The following XPO6 variants were observed in gnomAD, a reference collection of about 807,000 sequenced individuals.
XPO6 encodes the protein exportin 6.
Under a neutral mutation model 130.0 loss-of-function variants are expected in XPO6, and 3 were observed. That is an observed-to-expected ratio of 0.02 (90% CI 0.01 to 0.06). The LOEUF (loss-of-function observed/expected upper bound fraction) is 0.06. XPO6 is among the 10% of genes least tolerant of loss of function. XPO6 has a pLI of 1.00. For missense variants in XPO6, 970 were observed against 1,393.0 expected (o/e 0.70, Z 4.83); for synonymous variants, 524 against 548.9 (o/e 0.95, Z 0.63).
At position 28,169,792 on chromosome 16, in the gene XPO6, G is replaced by A; in HGVS notation, c.523C>T (p.Leu175=). ...ACTGTCTGCACCTGGTCCAGTAGCA[G>A]CTTCCGCAACTCCTCCTTCCGAGCC... ...SVARKEELRK[L]LLDQVQTVLG... Residue 175 remains leucine (L), a synonymous_variant, in exon 5 of 24, where the codon CTG becomes TTG. Transcript: ENST00000304658. 1 of 1,614,068 alleles carries A rather than the reference G, an allele frequency of 6.2e-7. No individual in the cohort carries two copies. Among genetic ancestry groups the A allele is most frequent in the Non-Finnish European group, 8.5e-7 (1 of 1,180,006 alleles).
intron 6 of XPO6, among the ~76,000 whole-genome samples, chr16:28,159,933 C>T (rs557445111): frequency 6.6e-6 from 1 of 152,262 alleles, no homozygotes; most frequent in Non-Finnish European, 1.5e-5. Flanking sequence ...CGCCTGTAAT[C>T]CCAGCACTTT....
rs1171423493 is a variant in XPO6 at position 28,152,680 on chromosome 16, C to T, written c.1203G>A (p.Leu401=). The T allele has an allele frequency of 6.2e-7, 1 of 1,612,368 alleles. No homozygotes were observed. Among genetic ancestry groups the T allele is most frequent in the Non-Finnish European group, 8.5e-7 (1 of 1,179,558 alleles). The part of the protein sequence containing the change: ...QFPVVEFLTL[L]FKYTFHQPTH... ...TTACCTGATGAAATGTGTACTTGAA[C>T]AAAAGTGTCAAAAACTCCACCACAG... The change falls in exon 8 of 24, where the codon TTG becomes TTA. Residue 401 remains leucine, a synonymous_variant. Coordinates refer to ENST00000304658, the MANE Select transcript of XPO6 (RefSeq NM_015171.4).
At chr16:28,133,161 C>A (rs1301482413) in intron 11 of XPO6, among the ~76,000 whole-genome samples, 2 of 152,134 alleles carry the variant, frequency 1.3e-5, no homozygotes, top group Non-Finnish European at 1.5e-5. Context: ...CACGGTGAAA[C>A]CCCGTCTCCA....
intron 6 of XPO6, among the ~76,000 whole-genome samples, chr16:28,164,560 C>T (rs2043326831): frequency 6.6e-6 from 1 of 152,156 alleles, no homozygotes; most frequent in African/African-American, 2.4e-5. Context: ...TTTGTTATTT[C>T]TCAAATACTA....
chr16:28,145,191 T>G (rs889474506), intron 9 of XPO6, among the ~76,000 whole-genome samples: 1 of 152,184 alleles, frequency 6.6e-6, no homozygotes, highest in Non-Finnish European at 1.5e-5. Flanking sequence ...AAAATATAGC[T>G]TCTTTGCCTC....
intron 12 of XPO6, among the ~76,000 whole-genome samples, chr16:28,129,786 C>T (rs2042629975): frequency 6.6e-6 from 1 of 152,034 alleles, no homozygotes; most frequent in Admixed American, 6.6e-5. Context: ...CAAAATAATC[C>T]CTTACACAGG....
At chr16:28,178,741 C>T (rs1194736398) in intron 2 of XPO6, among the ~76,000 whole-genome samples, 3 of 148,214 alleles carry the variant, frequency 2.0e-5, no homozygotes, top group Non-Finnish European at 4.5e-5. Context: ...GAGCAAAATC[C>T]TATCTCTTAA....
Position 28,151,584 on chromosome 16 carries a change from T to C in XPO6, c.1224+1075A>G, listed in dbSNP as rs1043981420. On this transcript the variant is annotated intron_variant, in intron 8 of 23. Coordinates refer to ENST00000304658, the MANE Select transcript of XPO6 (RefSeq NM_015171.4). The stretch of plus-strand genomic sequence containing the variant: ...CGAGGGGAAGTGATTGGAAAGGACA[T>C]GAGGAGATTTCCTGGTTGCTGGCAA... 3.9e-5 allele frequency among the ~76,000 whole-genome samples: 6 copies of C among 152,174 alleles called. No individual in the cohort carries two copies. The South Asian group carries it at 1.0e-3, about 26-fold the overall frequency.
chr16:28,182,539 G>A (rs74014246), intron 1 of XPO6, among the ~76,000 whole-genome samples: 3 of 152,148 alleles, frequency 2.0e-5, no homozygotes, highest in African/African-American at 7.2e-5. Flanking sequence ...GTGAGTGAGA[G>A]AGACTTTCTT....
rs772960938 is a variant in XPO6 at position 28,133,852 on chromosome 16, A to G, written c.1525T>C (p.Phe509Leu). Reference protein sequence around the residue: ...KVMELLPTHAFSTLFPVLQDN... With the variant: ...KVMELLPTHALSTLFPVLQDN... ...GGACAGCACATTACCAGTGTGGAGA[A>G]GGCGTGCGTGGGCAGGAGCTCCATC... is the stretch of plus-strand genomic sequence containing the variant. Residue 509 changes from phenylalanine to leucine, a missense_variant, in exon 11 of 24, where the codon TTC becomes CTC. Physicochemically the swap from Phe to Leu is conservative, Grantham distance 22 (BLOSUM62 0). Transcript: ENST00000304658. 10 of 1,614,072 alleles carry G rather than the reference A, an allele frequency of 6.2e-6. No homozygotes were observed. The highest frequency in any genetic ancestry group is 8.5e-6 in the Non-Finnish European group (10 of 1,179,962).
rs200685229 is a variant in XPO6, at chr16:28,156,636, CAGTTT to C, written c.644-114_644-110del. ...TATATATATGTATACATATATGTATCAGTTTAGTTACCTATGAAATAAAAAAATAA... is the reference window on the plus strand; with the variant it reads ...TATATATATGTATACATATATGTATCAGTTACCTATGAAATAAAAAAATAA... On this transcript the variant is annotated intron_variant, in intron 6 of 23. Coordinates refer to ENST00000304658, the MANE Select transcript of XPO6 (RefSeq NM_015171.4). 1.3e-5 allele frequency: 8 copies of C among 639,552 alleles called. No individual in the cohort carries two copies. In the East Asian group the frequency reaches 2.5e-4, roughly 20 times the overall value. The allele number at this position is 639,552 out of a possible 1,614,324, so 39.6% of individuals were successfully genotyped here.
At chr16:28,180,739 A>G (rs1033998965) in intron 2 of XPO6, among the ~76,000 whole-genome samples, 1 of 152,220 alleles carries the variant, frequency 6.6e-6, no homozygotes, top group Non-Finnish European at 1.5e-5. Flanking sequence ...GCTGAAATTA[A>G]GATCCACAGT....
At chr16:28,107,247 G>A (rs1490118868) in intron 18 of XPO6, among the ~76,000 whole-genome samples, 2 of 152,180 alleles carry the variant, frequency 1.3e-5, no homozygotes, top group African/African-American at 4.8e-5. Context: ...AATGCACCTT[G>A]CCACAAAATA....
At chr16:28,168,118 G>A (rs936235854) in intron 5 of XPO6, among the ~76,000 whole-genome samples, 1 of 152,096 alleles carries the variant, frequency 6.6e-6, no homozygotes, top group African/African-American at 2.4e-5. Context: ...ATACTGCTGG[G>A]CACTGTAGGA....
rs1460239177 is a variant in XPO6, at chr16:28,156,239, A to G, written c.932T>C (p.Leu311Pro). ...GAGTTCATTGATGCAGGACATGGCC[A>G]GGACCCCCAGCCGGCCGCGCTCCTG... is the stretch of plus-strand genomic sequence containing the variant. Reference protein sequence around the residue: ...SGQERGRLGVLAMSCINELMS... With the variant: ...SGQERGRLGVPAMSCINELMS... The change falls in exon 7 of 24, where the codon CTG becomes CCG. Residue 311 changes from leucine to proline, a missense_variant. Leu to Pro is a moderately conservative substitution (Grantham distance 98). Transcript: ENST00000304658. 6.2e-7 allele frequency: 1 copy of G among 1,614,172 alleles called. No homozygotes were observed.
At chr16:28,181,142 TTGGTTCAACATTCTTCAAATGCA>T (rs2043608072) in intron 1 of XPO6, 111 bp from the exon 2 acceptor site, 1 of 801,670 alleles carries the variant, frequency 1.2e-6, no homozygotes, top group Admixed American at 2.8e-5. Context: ...CCTCAAAATC[TTGGTTCAACATTCTTCAAATGCA>T]TGGTATATGC....
chr16:28,117,190 A>G (rs447286), intron 15 of XPO6, 128 bp downstream of exon 15: 36,870 of 1,243,588 alleles, frequency 0.03, 3,108 homozygotes, highest in East Asian at 0.19. Context: ...AATAAAACAG[A>G]TGTATAACAG....
intron 4 of XPO6, among the ~76,000 whole-genome samples, chr16:28,170,656 T>G (rs1398092424): frequency 6.6e-6 from 1 of 152,246 alleles, no homozygotes; most frequent in African/African-American, 2.4e-5. Flanking sequence ...TTTACACTTC[T>G]AAACTTTGCA....
intron 1 of XPO6, among the ~76,000 whole-genome samples, chr16:28,197,989 A>AAAAAAAC (rs778368089): frequency 1.1e-5 from 1 of 92,944 alleles, no homozygotes; most frequent in East Asian, 3.6e-4. Context: ...AAAAAAAAAA[A>AAAAAAAC]CCCTCATACC....
Sources: gnomAD v4.1 joint callset for allele counts (sites outside exome capture counted in the v4.1 genomes callset) on GRCh38, gnomAD v4.1.1 for gene constraint, MANE v1.5 for transcripts, NCBI Gene and HGNC (gene_info 2026-07-23, HGNC 2026-07-21) for gene names.